The following PDIA6 variants were observed in gnomAD, a reference collection of about 807,000 sequenced individuals.
PDIA6 encodes protein disulfide isomerase family A member 6, also known as protein disulfide-isomerase A6.
Under a neutral mutation model 58.4 loss-of-function variants are expected in PDIA6, and 29 were observed. The ratio of observed to expected loss-of-function variants is 0.50; its 90% CI spans 0.37 to 0.68. The LOEUF (loss-of-function observed/expected upper bound fraction) is 0.68. PDIA6 is among the 30% of genes least tolerant of loss of function. The pLI is 0.00. For synonymous variants in PDIA6, 192 were observed against 202.6 expected (o/e 0.95, Z 0.44); for missense variants, 480 against 551.0 (o/e 0.87, Z 1.29).
upstream of PDIA6, among the ~76,000 whole-genome samples, chr2:10,816,142 G>A (rs1449291911): frequency 2.9e-5 from 4 of 137,166 alleles, no homozygotes; most frequent in African/African-American, 1.1e-4. Flanking sequence ...GAGTGCAGTG[G>A]TGCAATCTGG....
At chr2:10,816,522 C>CTTTTTTTTTTTTTT (rs772701227), upstream of PDIA6, among the ~76,000 whole-genome samples, 31 of 138,198 alleles carry the variant, frequency 2.2e-4, 1 homozygote, top group South Asian at 4.5e-4. Flanking sequence ...CCTTTTTGTG[C>CTTTTTTTTTTTTTT]TTTCTTTTTT....
chr2:10,801,096 T>C (rs1194806394), intron 2 of PDIA6, among the ~76,000 whole-genome samples: 1 of 152,002 alleles, frequency 6.6e-6, no homozygotes, highest in Non-Finnish European at 1.5e-5. Context: ...TTGGACAACA[T>C]GGTGAAATTC....
intron 8 of PDIA6, 42 bp downstream of exon 8, chr2:10,789,707 C>T: frequency 6.3e-7 from 1 of 1,594,340 alleles, no homozygotes; most frequent in Non-Finnish European, 8.6e-7. Context: ...TCACCATCAG[C>T]TAAAAAAGCT....
At chr2:10,832,866 G>A (rs1390436069), upstream of PDIA6, among the ~76,000 whole-genome samples, 1 of 152,152 alleles carries the variant, frequency 6.6e-6, no homozygotes, top group East Asian at 1.9e-4. Flanking sequence ...TGGGCCCCCA[G>A]GGACATTTGG....
chr2:10,796,093 G>C (rs140823816), intron 4 of PDIA6, among the ~76,000 whole-genome samples: 22 of 142,804 alleles, frequency 1.5e-4, no homozygotes, highest in South Asian at 4.2e-4. Flanking sequence ...ACGGAGTCTC[G>C]CTCTGTCGCC....
In PDIA6 at chr2:10,799,224, T is replaced by G. The variant is rs190498654; in HGVS notation, c.162-1467A>C. Among the ~76,000 whole-genome samples, 16 of 152,378 alleles carry G rather than the reference T, an allele frequency of 1.1e-4. No homozygotes were observed. In the East Asian group the frequency reaches 2.9e-3, roughly 28 times the overall value. On this transcript the variant is annotated intron_variant, in intron 2 of 12. Coordinates refer to ENST00000272227, the MANE Select transcript of PDIA6 (RefSeq NM_005742.4). ...GTTTATTTTTATTGCTGTGTAACAT[T>G]CACTGTATGCAGACACCATAGTTTA...
At chr2:10,793,795 A>G (rs1625104) in intron 4 of PDIA6, among the ~76,000 whole-genome samples, 86,666 of 152,078 alleles carry the variant, frequency 0.57, 24,814 homozygotes, top group Middle Eastern at 0.6. Flanking sequence ...TATCTAGCTG[A>G]GAAAGCAGGG....
chr2:10,820,932 A>AGAG, intron 1 of PDIA6: 1 of 692,866 alleles, frequency 1.4e-6, no homozygotes, highest in Admixed American at 2.0e-5. Context: ...AGAGTCAGGA[A>AGAG]GAGGAAGCTG....
At chr2:10,831,795 C>A (rs1422650909) in intron 1 of PDIA6, among the ~76,000 whole-genome samples, 1 of 151,964 alleles carries the variant, frequency 6.6e-6, no homozygotes, top group Non-Finnish European at 1.5e-5. Flanking sequence ...CCGTAGTCAT[C>A]CTCCTCCTCC....
At chr2:10,812,627 C>T in intron 1 of PDIA6, 51 bp downstream of exon 1, 1 of 1,494,974 alleles carries the variant, frequency 6.7e-7, no homozygotes, top group Non-Finnish European at 8.9e-7. Flanking sequence ...GATTCGAAAC[C>T]TTTCAGGCCG....
chr2:10,785,625 A>C (rs989367817), intron 11 of PDIA6, among the ~76,000 whole-genome samples: 1 of 152,256 alleles, frequency 6.6e-6, no homozygotes, highest in African/African-American at 2.4e-5. Flanking sequence ...TAGAATAAGC[A>C]AACCTATTAT....
At chr2:10,832,412 C>G in exon 1 of PDIA6, 1 of 985,484 alleles carries the variant, frequency 1.0e-6, no homozygotes, top group African/African-American at 1.7e-5. Flanking sequence ...CAAACACCAC[C>G]TGGTGGGATT....
chr2:10,837,472 G>C (rs180759651), upstream of PDIA6: 702 of 690,020 alleles, frequency 1.0e-3, 8 homozygotes, highest in Non-Finnish European at 4.0e-4. Flanking sequence ...GGGAGAGGTT[G>C]GTATGGAAAC....
At chr2:10,834,105 A>G (rs1028337016), upstream of PDIA6, among the ~76,000 whole-genome samples, 1 of 152,268 alleles carries the variant, frequency 6.6e-6, no homozygotes, top group African/African-American at 2.4e-5. Flanking sequence ...AACAGCTTCT[A>G]CAGTGAGAGC....
upstream of PDIA6, chr2:10,812,902 A>G: frequency 1.9e-6 from 2 of 1,079,390 alleles, no homozygotes; most frequent in Non-Finnish European, 2.3e-6. Context: ...TCACATATCC[A>G]ATGGGAGGCG....
chr2:10,789,221 C>T (rs1295099067), intron 8 of PDIA6, among the ~76,000 whole-genome samples: 1 of 152,158 alleles, frequency 6.6e-6, no homozygotes, highest in Admixed American at 6.6e-5. Flanking sequence ...ATACAAACAT[C>T]TCTGAAATCG....
At chr2:10,820,294 T>G (rs932386367) in intron 1 of PDIA6, among the ~76,000 whole-genome samples, 15 of 152,180 alleles carry the variant, frequency 9.9e-5, no homozygotes, top group African/African-American at 2.9e-4. Flanking sequence ...TGGTGTCTGA[T>G]CTACAGAGGG....
chr2:10,829,476 C>T (rs1399548475), intron 1 of PDIA6, among the ~76,000 whole-genome samples: 1 of 152,236 alleles, frequency 6.6e-6, no homozygotes, highest in South Asian at 2.1e-4. Flanking sequence ...AGGGTGTTGA[C>T]TTTTTGCTCT....
intron 1 of PDIA6, among the ~76,000 whole-genome samples, chr2:10,831,628 C>T (rs773899498): frequency 1.3e-5 from 2 of 152,194 alleles, no homozygotes. Flanking sequence ...CCTCCACACC[C>T]TGCCTGGCAG....
Sources: allele counts gnomAD v4.1 joint callset (sites outside exome capture counted in the v4.1 genomes callset), GRCh38; gene constraint gnomAD v4.1.1; transcripts MANE v1.5; gene names NCBI Gene and HGNC (gene_info 2026-07-23, HGNC 2026-07-21).